PAFAH1B2: variants seen among roughly 807,000 people sequenced by gnomAD.
PAFAH1B2 encodes platelet-activating factor acetylhydrolase IB subunit alpha2.
In PAFAH1B2, 8 loss-of-function variants were observed where a neutral mutation model predicts 28.0. That is an observed-to-expected ratio of 0.29 (90% CI 0.17 to 0.52). The LOEUF is 0.52. PAFAH1B2 is among the 20% of genes least tolerant of loss of function. PAFAH1B2 has a pLI of 0.97. For missense variants in PAFAH1B2, 190 were observed against 282.6 expected, an observed-to-expected ratio of 0.67 and a Z score of 2.35; for synonymous variants, 104 against 103.2, an observed-to-expected ratio of 1.01 and a Z score of -0.05.
downstream of PAFAH1B2, among the ~76,000 whole-genome samples, chr11:117,171,926 C>G (rs1304382382): frequency 1.3e-5 from 2 of 152,096 alleles, no homozygotes; most frequent in East Asian, 1.9e-4. Flanking sequence ...GCCCTTCCCC[C>G]CTCCCCAGTA....
In PAFAH1B2 at chr11:117,152,523, T is replaced by G; in HGVS notation, c.76T>G (p.Ser26Ala). The G allele has an allele frequency of 6.2e-7, 1 of 1,608,016 alleles. No homozygotes were observed. The highest frequency in any genetic ancestry group is 1.1e-5 in the South Asian group (1 of 90,954). The change falls in exon 2 of 6, where the codon TCT (serine) becomes GCT (alanine). Residue 26 changes from serine to alanine, a missense_variant. Transcript: ENST00000527958. The part of the protein sequence containing the change: ...EDIQGDDRWM[S>A]QHNRFVLDCK... ...TATTCAAGGAGATGACCGATGGATG[T>G]CTCAGGTAAAAGGAAGTGCATGTGT...
chr11:117,146,839 GAAA>G (rs34339279), intron 1 of PAFAH1B2, among the ~76,000 whole-genome samples: 7,693 of 41,570 alleles, frequency 0.19, 233 homozygotes, highest in Middle Eastern at 0.35. Flanking sequence ...CCATCTATTG[GAAA>G]AAAAAAAAAA....
exon 6 of PAFAH1B2, chr11:117,176,182 C>A (rs2029972110): frequency 2.0e-6 from 1 of 507,696 alleles, no homozygotes; most frequent in South Asian, 3.0e-5. Flanking sequence ...AGGGGTTGGC[C>A]AAGGAAACCC....
chr11:117,169,541 C>G lies in PAFAH1B2; in HGVS notation c.*1842C>G. On this transcript the variant is annotated 3_prime_UTR_variant, in exon 6 of 6. Transcript: ENST00000527958. ...GACCGATTTCTGATTGAGGGATGAA[C>G]CTTGGGCTCATTTTTTTCTTGTGAA... The G allele has an allele frequency of 9.5e-7, 1 of 1,055,700 alleles. No homozygotes were observed. Among genetic ancestry groups the G allele is most frequent in the Middle Eastern group, 4.3e-4 (1 of 2,344 alleles). 65.4% of individuals were successfully genotyped at this position (1,055,700 alleles called of 1,614,324 possible). A position where few individuals can be genotyped will look rare whatever the true frequency, so the allele number is the denominator to read the frequency against.
chr11:117,150,905 G>A (rs1349603608), intron 1 of PAFAH1B2, among the ~76,000 whole-genome samples: 1 of 151,288 alleles, frequency 6.6e-6, no homozygotes, highest in Non-Finnish European at 1.5e-5. Flanking sequence ...GGAGAATGGC[G>A]TGAACCCGGG....
chr11:117,175,019 T>G (rs2029896321), downstream of PAFAH1B2: 1 of 1,410,120 alleles, frequency 7.1e-7, no homozygotes. Context: ...GGAGCTGGAC[T>G]CATGGGTCCA....
At chr11:117,159,797 C>T in intron 2 of PAFAH1B2, 137 bp from the exon 3 acceptor site, 3 of 622,532 alleles carry the variant, frequency 4.8e-6, no homozygotes, top group Admixed American at 5.5e-5. Context: ...TGATATATTA[C>T]CCAGGCTGAT....
chr11:117,168,445 C>CGTTTTTT lies in PAFAH1B2; in HGVS notation c.*747_*753dup, dbSNP rs1956563914. 1.4e-5 allele frequency: 5 copies of CGTTTTTT among 354,318 alleles called. No homozygotes were observed. Among genetic ancestry groups the CGTTTTTT allele is most frequent in the South Asian group, 1.0e-4 (1 of 9,812 alleles). The allele number at this position is 354,318 out of a possible 1,614,324, so 21.9% of individuals were successfully genotyped here. On this transcript the variant is annotated 3_prime_UTR_variant, in exon 6 of 6. Transcript: ENST00000527958. ...TTCCCCTTCATTCCCCCCGCCACCC[C>CGTTTTTT]GTTTTTTTTTTTTTTTTTTTTTTTT...
chr11:117,169,586 T>C lies in PAFAH1B2; in HGVS notation c.*1887T>C. On this transcript the variant is annotated 3_prime_UTR_variant, in exon 6 of 6. Coordinates refer to ENST00000527958, the MANE Select transcript of PAFAH1B2 (RefSeq NM_002572.4). ...TGTGAAGTCTCTTTCTAGAAAATTT[T>C]TTGGTTTTGTTCTTTTTAAAAAATA... 1 of 1,054,158 alleles carries C rather than the reference T, an allele frequency of 9.5e-7. No homozygotes were observed. Among genetic ancestry groups the C allele is most frequent in the Non-Finnish European group, 1.1e-6 (1 of 871,978 alleles). 65.3% of individuals were successfully genotyped at this position (1,054,158 alleles called of 1,614,324 possible). A position where few individuals can be genotyped will look rare whatever the true frequency, so the allele number is the denominator to read the frequency against.
chr11:117,176,789 ATCGCCTGAAC>A (rs1236448186), exon 6 of PAFAH1B2: 1 of 151,674 alleles, frequency 6.6e-6, no homozygotes, highest in Non-Finnish European at 1.5e-5. Flanking sequence ...AGGCAGGAGC[ATCGCCTGAAC>A]TCAGGAGGCG....
intron 2 of PAFAH1B2, among the ~76,000 whole-genome samples, chr11:117,156,151 C>T (rs970346911): frequency 2.1e-4 from 32 of 152,188 alleles, no homozygotes; most frequent in African/African-American, 7.0e-4. Flanking sequence ...TCATGCACTG[C>T]ACTCCACCCT....
downstream of PAFAH1B2, chr11:117,175,510 A>T (rs2029928309): frequency 9.1e-7 from 1 of 1,097,362 alleles, no homozygotes; most frequent in African/African-American, 1.6e-5. Context: ...GAGACCTTGC[A>T]AAAGGGAAGG....
chr11:117,170,923 C>T lies in PAFAH1B2; in HGVS notation c.*3224C>T. The T allele has an allele frequency of 9.4e-7, 1 of 1,058,838 alleles. No homozygotes were observed. 65.6% of individuals were successfully genotyped at this position (1,058,838 alleles called of 1,614,324 possible). A position where few individuals can be genotyped will look rare whatever the true frequency, so the allele number is the denominator to read the frequency against. On this transcript the variant is annotated 3_prime_UTR_variant, in exon 6 of 6. Coordinates refer to ENST00000527958, the MANE Select transcript of PAFAH1B2 (RefSeq NM_002572.4). ...TGGTGTTCCTGCTTGGGGATCACTG[C>T]TGCTAGCTGACTGGACCTCCCCATT...
chr11:117,153,358 CTATTT>C (rs1280264715), intron 2 of PAFAH1B2, among the ~76,000 whole-genome samples: 2 of 123,070 alleles, frequency 1.6e-5, no homozygotes, highest in East Asian at 4.1e-4. Context: ...GTGTCTGTAT[CTATTT>C]TGTTTTAGTT....
In PAFAH1B2 at chr11:117,169,399, A is replaced by G. The variant is rs1956594328; in HGVS notation, c.*1700A>G. ...AACTGGACCAGGTGGGTATTGAAGT[A>G]ACCCATCAAAATATGCTCTGCAGTG... is the stretch of plus-strand genomic sequence containing the variant. On this transcript the variant is annotated 3_prime_UTR_variant, in exon 6 of 6. Coordinates refer to ENST00000527958, the MANE Select transcript of PAFAH1B2 (RefSeq NM_002572.4). 9.5e-7 allele frequency: 1 copy of G among 1,051,812 alleles called. No homozygotes were observed. Among genetic ancestry groups the G allele is most frequent in the East Asian group, 5.4e-5 (1 of 18,368 alleles). The allele number at this position is 1,051,812 out of a possible 1,614,324, so 65.2% of individuals were successfully genotyped here. A position where few individuals can be genotyped will look rare whatever the true frequency, so the allele number is the denominator to read the frequency against.
At position 117,167,404 on chromosome 11, in the gene PAFAH1B2, T is replaced by C. The variant is rs1408338975; in HGVS notation, c.412-17T>C. 1 of 1,542,318 alleles carries C rather than the reference T, an allele frequency of 6.5e-7. No homozygotes were observed. On this transcript the variant is annotated splice_polypyrimidine_tract_variant and intron_variant, in intron 5 of 5. Transcript: ENST00000527958. ...ATAAGTGAATCTTCTAATTTAATGT[T>C]TTCCACTGTGCCCCAGGGTTTGTTA...
intron 1 of PAFAH1B2, among the ~76,000 whole-genome samples, chr11:117,148,556 T>A (rs568218799): frequency 6.6e-6 from 1 of 152,192 alleles, no homozygotes; most frequent in Non-Finnish European, 1.5e-5. Context: ...AATAGTAAGT[T>A]CTTAATAAAT....
chr11:117,147,328 G>A (rs768269095), intron 1 of PAFAH1B2, among the ~76,000 whole-genome samples: 43 of 152,220 alleles, frequency 2.8e-4, no homozygotes, highest in Non-Finnish European at 5.3e-4. Context: ...CTGTCCCTGA[G>A]GCTGGAGTGC....
In PAFAH1B2 at chr11:117,169,298, T is replaced by TA. The variant is rs554423120; in HGVS notation, c.*1607dup. The TA allele has an allele frequency of 1.3e-4, 139 of 1,037,510 alleles. No homozygotes were observed. Among genetic ancestry groups the TA allele is most frequent in the East Asian group, 3.5e-4 (6 of 17,366 alleles). The allele number at this position is 1,037,510 out of a possible 1,614,324, so 64.3% of individuals were successfully genotyped here. ...GTTCGAGCTATATAAGAACTGCCATTAAAAAAAATGGGATAATAGATGATT... is the reference window on the plus strand; with the variant it reads ...GTTCGAGCTATATAAGAACTGCCATTAAAAAAAAATGGGATAATAGATGATT... On this transcript the variant is annotated 3_prime_UTR_variant, in exon 6 of 6. Transcript: ENST00000527958.
Sources: gnomAD v4.1 joint callset for allele counts (sites outside exome capture counted in the v4.1 genomes callset) on GRCh38, gnomAD v4.1.1 for gene constraint, MANE v1.5 for transcripts, NCBI Gene and HGNC (gene_info 2026-07-23, HGNC 2026-07-21) for gene names.